The following FAM13A variants were observed in gnomAD, a reference collection of about 807,000 sequenced individuals.
The protein encoded by FAM13A is family with sequence similarity 13 member A.
A neutral mutation model predicts 129.6 loss-of-function variants in FAM13A; 76 were observed. The observed-to-expected ratio is 0.59, with a 90% CI of 0.49 to 0.71. The LOEUF (loss-of-function observed/expected upper bound fraction) is 0.71. Among genes scored for constraint, FAM13A ranks in the 30% least tolerant of loss-of-function variants. FAM13A has a pLI of 0.00. For synonymous variants in FAM13A, 443 were observed against 449.9 expected (o/e 0.98, Z 0.20); for missense variants, 1,108 against 1,249.3 (o/e 0.89, Z 1.70).
chr4:88,913,436 GGAAGAAGAGGAGGAGGAAGAA>G (rs1749507768), intron 5 of FAM13A, among the ~76,000 whole-genome samples: 2 of 106,910 alleles, frequency 1.9e-5, no homozygotes, highest in Admixed American at 1.0e-4. Flanking sequence ...GAGGGAAGAG[GGAAGAAGAGGAGGAGGAAGAA>G]GAAGAAGAGG....
chr4:89,006,463 G>A (rs1765024023), intron 3 of FAM13A, among the ~76,000 whole-genome samples: 1 of 152,196 alleles, frequency 6.6e-6, no homozygotes, highest in South Asian at 2.1e-4. Context: ...CTTGCAACAG[G>A]GGTGTGGCTT....
At chr4:88,748,917 T>A (rs1408177228) in intron 17 of FAM13A, 35 bp downstream of exon 17, 1 of 1,475,630 alleles carries the variant, frequency 6.8e-7, no homozygotes, top group Non-Finnish European at 9.5e-7. Flanking sequence ...ACCTGGCTTG[T>A]TGTACAGAAG....
intron 7 of FAM13A, among the ~76,000 whole-genome samples, chr4:88,818,653 T>G (rs3775381): frequency 0.092 from 13,956 of 152,150 alleles, 813 homozygotes; most frequent in African/African-American, 0.15. Context: ...TCACTGACAG[T>G]GATAAAGCAT....
intron 5 of FAM13A, among the ~76,000 whole-genome samples, chr4:88,932,601 G>A (rs575515761): frequency 1.6e-3 from 244 of 152,286 alleles, no homozygotes; most frequent in African/African-American, 5.6e-3. Context: ...AAATGAAAAT[G>A]GAGACACATG....
chr4:88,906,288 A>AAAAC lies in FAM13A; in HGVS notation c.843+87_843+90dup, dbSNP rs369611615. Reference sequence around the variant, plus strand: ...GGACGATAAAGCAAGACTCTGTCTCAAAACAAACAAACAAACAAACAAAAA... The same window carrying AAAAC: ...GGACGATAAAGCAAGACTCTGTCTCAAAACAAACAAACAAACAAACAAACAAAAA... On this transcript the variant is annotated intron_variant, in intron 6 of 23. Coordinates refer to ENST00000264344, the MANE Select transcript of FAM13A (RefSeq NM_014883.4). The AAAAC allele has an allele frequency of 5.5e-4, 515 of 940,902 alleles. 2 individuals carry two copies. The African/African-American group carries it at 5.9e-3, about 11-fold the overall frequency. 58.3% of individuals were successfully genotyped at this position (940,902 alleles called of 1,614,324 possible).
At chr4:88,950,056 T>G (rs1331683772) in intron 4 of FAM13A, among the ~76,000 whole-genome samples, 1 of 152,162 alleles carries the variant, frequency 6.6e-6, no homozygotes, top group Non-Finnish European at 1.5e-5. Context: ...ATCATTTGGG[T>G]GGATAAGTAA....
intron 14 of FAM13A, chr4:88,753,503 A>C (rs1472583853): frequency 1.2e-5 from 2 of 170,858 alleles, no homozygotes; most frequent in Non-Finnish European, 2.3e-5. Context: ...AGGGTGAATG[A>C]ATTCACTTAT....
chr4:89,043,537 CT>C (rs1491002640), intron 1 of FAM13A, among the ~76,000 whole-genome samples: 4 of 152,048 alleles, frequency 2.6e-5, no homozygotes, highest in African/African-American at 9.7e-5. Context: ...ATTCATCTTA[CT>C]CAGGATGAGT....
In FAM13A at chr4:88,740,118, C is replaced by T. The variant is rs1341802784; in HGVS notation, c.2467-993G>A. Among the ~76,000 whole-genome samples, 5 of 152,284 alleles carry T rather than the reference C, an allele frequency of 3.3e-5. No homozygotes were observed. The East Asian group carries it at 9.7e-4, about 29-fold the overall frequency. On this transcript the variant is annotated intron_variant, in intron 19 of 23. Transcript: ENST00000264344. ...AAGTAGGTTGTCTCAACCCTCTTGT[C>T]CAATTCCCTCTACCCTGCCATGGCT...
chr4:88,852,872 A>G (rs181417027), intron 6 of FAM13A, among the ~76,000 whole-genome samples: 38 of 152,328 alleles, frequency 2.5e-4, no homozygotes, highest in Admixed American at 2.5e-3. Flanking sequence ...CTCTATGAAG[A>G]TTATATAAAA....
intron 2 of FAM13A, among the ~76,000 whole-genome samples, chr4:89,022,306 TA>T (rs573807986): frequency 4.0e-5 from 6 of 151,538 alleles, no homozygotes; most frequent in South Asian, 2.1e-4. Flanking sequence ...TCTTAGGTAA[TA>T]AAAAAAAATC....
intron 5 of FAM13A, among the ~76,000 whole-genome samples, chr4:88,916,385 A>G (rs1305939483): frequency 6.6e-6 from 1 of 152,144 alleles, no homozygotes; most frequent in Non-Finnish European, 1.5e-5. Context: ...ACTTTATCAA[A>G]AAAAGCTTTC....
intron 7 of FAM13A, among the ~76,000 whole-genome samples, chr4:88,833,913 ATTAAT>A (rs1358864166): frequency 6.6e-6 from 1 of 152,082 alleles, no homozygotes. Context: ...TATTTAATTT[ATTAAT>A]TTAATTTAAT....
chr4:88,770,923 G>A (rs1326993151), intron 11 of FAM13A, among the ~76,000 whole-genome samples: 1 of 152,124 alleles, frequency 6.6e-6, no homozygotes, highest in Non-Finnish European at 1.5e-5. Flanking sequence ...TTTTGTAGAC[G>A]TAGTTCACAA....
chr4:88,907,081 G>T (rs1047977510), intron 5 of FAM13A, among the ~76,000 whole-genome samples: 5 of 152,214 alleles, frequency 3.3e-5, no homozygotes, highest in African/African-American at 9.6e-5. Flanking sequence ...TAACTGTATA[G>T]ATTTATTATT....
chr4:88,761,859 G>GT (rs1428697541), intron 13 of FAM13A, among the ~76,000 whole-genome samples: 1 of 151,982 alleles, frequency 6.6e-6, no homozygotes, highest in African/African-American at 2.4e-5. Context: ...TTTGCTAGAT[G>GT]TTTTTTTCAC....
chr4:88,952,515 C>T (rs1392425191), intron 4 of FAM13A, among the ~76,000 whole-genome samples: 1 of 152,246 alleles, frequency 6.6e-6, no homozygotes, highest in East Asian at 1.9e-4. Flanking sequence ...TTGCCAGATC[C>T]TCATATATCT....
intron 6 of FAM13A, among the ~76,000 whole-genome samples, chr4:88,872,875 C>T (rs1367873985): frequency 6.6e-6 from 1 of 152,142 alleles, no homozygotes; most frequent in African/African-American, 2.4e-5. Context: ...CAAAAATTGA[C>T]CACATAGTTG....
intron 14 of FAM13A, among the ~76,000 whole-genome samples, chr4:88,752,444 G>C (rs1204159099): frequency 3.1e-4 from 47 of 152,262 alleles, no homozygotes; most frequent in Middle Eastern, 6.8e-3. Flanking sequence ...ATGGAATGAA[G>C]TCCACAGGTT....
Sources: allele counts gnomAD v4.1 joint callset (sites outside exome capture counted in the v4.1 genomes callset), GRCh38; gene constraint gnomAD v4.1.1; transcripts MANE v1.5; gene names NCBI Gene and HGNC (gene_info 2026-07-23, HGNC 2026-07-21).